The following ZNF407 variants were observed in gnomAD, a reference collection of about 807,000 sequenced individuals.
ZNF407 encodes zinc finger protein 407.
A neutral mutation model predicts 131.2 loss-of-function variants in ZNF407; 17 were observed. The ratio of observed to expected loss-of-function variants is 0.13; its 90% CI spans 0.09 to 0.19. The LOEUF (loss-of-function observed/expected upper bound fraction) is 0.19, where lower values mean the gene tolerates loss of function less well. ZNF407 is among the 10% of genes least tolerant of loss of function. The probability of loss-of-function intolerance (pLI) is 1.00; values close to 1 mark genes in which losing one functional copy is unlikely to be tolerated. For synonymous variants in ZNF407, 1,156 were observed against 1,062.0 expected (o/e 1.09, Z -1.72); for missense variants, 2,681 against 2,830.6 (o/e 0.95, Z 1.20).
intron 3 of ZNF407, among the ~76,000 whole-genome samples, chr18:74,666,094 G>A (rs1402573415): frequency 6.6e-6 from 1 of 152,184 alleles, no homozygotes; most frequent in Non-Finnish European, 1.5e-5. Flanking sequence ...GCATGGTGAC[G>A]TGGTGCAGTG....
intron 3 of ZNF407, among the ~76,000 whole-genome samples, chr18:74,685,757 C>T (rs1391302086): frequency 6.6e-6 from 1 of 152,208 alleles, no homozygotes; most frequent in Non-Finnish European, 1.5e-5. Context: ...AATTCTTCCC[C>T]TCCTCTGAGG....
intron 4 of ZNF407, among the ~76,000 whole-genome samples, chr18:74,868,467 C>A (rs990103024): frequency 6.6e-6 from 1 of 152,120 alleles, no homozygotes; most frequent in African/African-American, 2.4e-5. Context: ...AGAAAAAGAA[C>A]GAAAAACAAA....
chr18:74,781,627 C>G, intron 4 of ZNF407, 125 bp downstream of exon 4: 2 of 645,092 alleles, frequency 3.1e-6, no homozygotes, highest in Non-Finnish European at 4.9e-6. Flanking sequence ...TTGTGGTACT[C>G]TTTTGTCAAA....
chr18:74,832,084 C>T (rs977088839), intron 4 of ZNF407, among the ~76,000 whole-genome samples: 4 of 152,160 alleles, frequency 2.6e-5, no homozygotes, highest in Non-Finnish European at 5.9e-5. Context: ...GGAGAGTCTT[C>T]ATGTGGGGAG....
Position 75,063,261 on chromosome 18 carries a change from A to G in ZNF407, c.5540A>G (p.Glu1847Gly). ...TTGGCAGAAGAGCCCCTCGTCAAGG[A>G]GAAGCCCCTCAGAAGCAGCAGGAGG... ...AALAEEPLVK[E>G]KPLRSSRRPA... is the part of the protein sequence containing the mutation. The change falls in exon 9 of 9, where the codon GAG becomes GGG. Residue 1847 changes from glutamate (E) to glycine (G), a missense_variant. Glu to Gly is a moderately conservative substitution (Grantham distance 98). Coordinates refer to ENST00000299687, the MANE Select transcript of ZNF407 (RefSeq NM_017757.3). The surrounding 1 kb of genome is among the most constrained non-coding windows in gnomAD (Gnocchi z 6.6). 1 of 1,613,646 alleles carries G rather than the reference A, an allele frequency of 6.2e-7. No individual in the cohort carries two copies. The highest frequency in any genetic ancestry group is 1.1e-5 in the South Asian group (1 of 91,080).
chr18:74,850,285 G>A (rs1301354761), intron 4 of ZNF407, among the ~76,000 whole-genome samples: 1 of 151,750 alleles, frequency 6.6e-6, no homozygotes, highest in South Asian at 2.1e-4. Flanking sequence ...ATGGTTAATG[G>A]ATAGATTTCT....
chr18:74,906,258 C>A (rs761175406), intron 7 of ZNF407, among the ~76,000 whole-genome samples: 2 of 152,156 alleles, frequency 1.3e-5, no homozygotes, highest in Admixed American at 1.3e-4. Context: ...CTCCTCTCTT[C>A]CCTGTTTTGA....
chr18:75,056,304 C>T (rs1041775225), intron 8 of ZNF407, among the ~76,000 whole-genome samples: 5 of 152,138 alleles, frequency 3.3e-5, no homozygotes, highest in African/African-American at 9.7e-5. Flanking sequence ...ATTTTAGTAA[C>T]GCTGACCAGA....
chr18:75,023,220 A>G (rs1973132305), intron 8 of ZNF407, among the ~76,000 whole-genome samples: 1 of 152,094 alleles, frequency 6.6e-6, no homozygotes, highest in Admixed American at 6.6e-5. Context: ...GCTACTACAT[A>G]CTGGGCTTAA....
intron 4 of ZNF407, among the ~76,000 whole-genome samples, chr18:74,812,789 T>G (rs920865870): frequency 2.0e-5 from 3 of 152,200 alleles, no homozygotes; most frequent in African/African-American, 7.2e-5. Flanking sequence ...CTCCTTACTC[T>G]TTAGTTTTTA....
chr18:74,641,507 AGT>A (rs1984716194), intron 3 of ZNF407, among the ~76,000 whole-genome samples: 1 of 152,114 alleles, frequency 6.6e-6, no homozygotes, highest in Non-Finnish European at 1.5e-5. Context: ...TTTTTATCAC[AGT>A]AGTAGCTCTT....
At chr18:74,863,841 T>C (rs1970972417) in intron 4 of ZNF407, among the ~76,000 whole-genome samples, 1 of 152,210 alleles carries the variant, frequency 6.6e-6, no homozygotes, top group Admixed American at 6.5e-5. Flanking sequence ...TCTTTTGCTG[T>C]TACTATTCCA....
At chr18:75,011,260 A>G (rs1410750741) in intron 8 of ZNF407, among the ~76,000 whole-genome samples, 2 of 152,196 alleles carry the variant, frequency 1.3e-5, no homozygotes, top group Non-Finnish European at 2.9e-5. Flanking sequence ...TGCTCATAGC[A>G]CTGTGGACTA....
At chr18:74,695,501 T>A (rs1967331009) in intron 3 of ZNF407, among the ~76,000 whole-genome samples, 1 of 152,096 alleles carries the variant, frequency 6.6e-6, no homozygotes, top group Non-Finnish European at 1.5e-5. Context: ...TTTTATTTTT[T>A]ATTTTTTTGG....
chr18:74,911,057 C>T (rs1184530879), intron 7 of ZNF407, among the ~76,000 whole-genome samples: 1 of 152,128 alleles, frequency 6.6e-6, no homozygotes, highest in Middle Eastern at 3.2e-3. Flanking sequence ...ATATAAGTGA[C>T]TTTCGTGGTG....
chr18:75,018,501 A>T (rs1187438334), intron 8 of ZNF407, among the ~76,000 whole-genome samples: 1 of 152,046 alleles, frequency 6.6e-6, no homozygotes, highest in Non-Finnish European at 1.5e-5. Context: ...AGTAAATTGA[A>T]TTATTTTGAA....
At chr18:75,017,965 G>A (rs1249756741) in intron 8 of ZNF407, among the ~76,000 whole-genome samples, 1 of 152,114 alleles carries the variant, frequency 6.6e-6, no homozygotes, top group East Asian at 1.9e-4. Context: ...TAAGCAAACT[G>A]TAATTGAATT....
chr18:74,772,429 A>T (rs1347176939), intron 3 of ZNF407, among the ~76,000 whole-genome samples: 1 of 152,186 alleles, frequency 6.6e-6, no homozygotes, highest in East Asian at 1.9e-4. Context: ...GTCAGAATAC[A>T]AGAATAAACA....
chr18:74,804,062 T>C lies in ZNF407; in HGVS notation c.4877+22560T>C, dbSNP rs753337312. On this transcript the variant is annotated intron_variant, in intron 4 of 8. Coordinates refer to ENST00000299687, the MANE Select transcript of ZNF407 (RefSeq NM_017757.3). ...GAAGCCCAAAGTCTTTGTGAGCACT[T>C]TTCATAACTGATGGGACCTGCAGTG... 38 of 1,551,436 alleles carry C rather than the reference T, an allele frequency of 2.4e-5. No homozygotes were observed. The South Asian group carries it at 4.5e-4, about 18-fold the overall frequency.
Sources: gnomAD v4.1 joint callset for allele counts (sites outside exome capture counted in the v4.1 genomes callset) on GRCh38, gnomAD v4.1.1 for gene constraint, Gnocchi (gnomAD v3.1) non-coding constraint, MANE v1.5 for transcripts, NCBI Gene and HGNC (gene_info 2026-07-23, HGNC 2026-07-21) for gene names.